Variants in ALCAM observed in about 807,000 individuals in gnomAD.
The protein encoded by ALCAM is CD166 antigen.
Under a neutral mutation model 70.9 loss-of-function variants are expected in ALCAM, and 30 were observed. The ratio of observed to expected loss-of-function variants is 0.42; its 90% CI spans 0.32 to 0.57. The LOEUF (loss-of-function observed/expected upper bound fraction) is 0.57. Among genes scored for constraint, ALCAM ranks in the 20% least tolerant of loss-of-function variants. The pLI is 0.11. For synonymous variants in ALCAM, 249 were observed against 242.5 expected (o/e 1.03, Z -0.25); for missense variants, 591 against 695.1 (o/e 0.85, Z 1.68).
intron 1 of ALCAM, among the ~76,000 whole-genome samples, chr3:105,429,324 A>G (rs1936870332): frequency 6.6e-6 from 1 of 151,954 alleles, no homozygotes; most frequent in South Asian, 2.1e-4. Context: ...GTTTTATTAA[A>G]TGTCTTCTAC....
intron 1 of ALCAM, among the ~76,000 whole-genome samples, chr3:105,459,217 A>G (rs1183984421): frequency 6.6e-6 from 1 of 152,060 alleles, no homozygotes; most frequent in African/African-American, 2.4e-5. Flanking sequence ...TCCGCATGAA[A>G]TATTCTTCCC....
chr3:105,503,113 G>T (rs1022679516), intron 1 of ALCAM, among the ~76,000 whole-genome samples: 1 of 152,184 alleles, frequency 6.6e-6, no homozygotes, highest in Non-Finnish European at 1.5e-5. Flanking sequence ...TATAGTGTGT[G>T]GCAAAAAGGG....
Position 105,534,815 on chromosome 3 carries a change from C to A in ALCAM, c.700C>A (p.His234Asn). The A allele has an allele frequency of 6.2e-7, 1 of 1,613,448 alleles. No homozygotes were observed. The highest frequency in any genetic ancestry group is 8.5e-7 in the Non-Finnish European group (1 of 1,179,632). Residue 234 changes from histidine (H) to asparagine (N), a missense_variant, in exon 6 of 16, where the codon CAT (histidine) becomes AAT (asparagine). Coordinates refer to ENST00000306107, the MANE Select transcript of ALCAM (RefSeq NM_001627.4). ...YYGPSGQKTI[H>N]SEQAVFDIYY... ...TGGACCATCTGGCCAGAAAACAATT[C>A]ATTCTGAACAGGCAGTATTTGATAT...
At chr3:105,466,672 C>A (rs1378545474) in intron 1 of ALCAM, among the ~76,000 whole-genome samples, 1 of 151,334 alleles carries the variant, frequency 6.6e-6, no homozygotes, top group Non-Finnish European at 1.5e-5. Context: ...AGGTTATAAA[C>A]CCTGAATGTT....
At chr3:105,484,862 G>GA (rs1190831113) in intron 1 of ALCAM, among the ~76,000 whole-genome samples, 1 of 152,014 alleles carries the variant, frequency 6.6e-6, no homozygotes, top group African/African-American at 2.4e-5. Flanking sequence ...GGAAGTTAGT[G>GA]AACCAGTACA....
At chr3:105,500,639 T>C (rs112465924) in intron 1 of ALCAM, among the ~76,000 whole-genome samples, 2,442 of 152,306 alleles carry the variant, frequency 0.016, 30 homozygotes, top group African/African-American at 0.033. Flanking sequence ...AAATACATGA[T>C]GTGGTGTTCA....
rs145772563 is a variant in ALCAM at position 105,379,714 on chromosome 3, A to G, written c.73+12233A>G. On this transcript the variant is annotated intron_variant, in intron 1 of 15. Transcript: ENST00000306107. ...GCTCCACTGCTTCCCTTTTATGAGCACTGTAGGATGCTTCCATTTATTATG... is the reference window on the plus strand; with the variant it reads ...GCTCCACTGCTTCCCTTTTATGAGCGCTGTAGGATGCTTCCATTTATTATG... 4.1e-4 allele frequency among the ~76,000 whole-genome samples: 62 copies of G among 151,932 alleles called. No individual in the cohort carries two copies. In the East Asian group the frequency reaches 0.012, roughly 29 times the overall value.
intron 6 of ALCAM, among the ~76,000 whole-genome samples, chr3:105,539,655 A>G (rs151216857): frequency 9.5e-4 from 144 of 152,146 alleles, no homozygotes; most frequent in African/African-American, 3.4e-3. Flanking sequence ...AAATTTCCCT[A>G]TCATAAAGCC....
At chr3:105,394,274 A>G (rs1323815120) in intron 1 of ALCAM, among the ~76,000 whole-genome samples, 5 of 152,088 alleles carry the variant, frequency 3.3e-5, no homozygotes, top group South Asian at 4.1e-4. Context: ...CATATGACTC[A>G]CTACCTATGT....
In ALCAM at chr3:105,541,674, G is replaced by A. The variant is rs579565; in HGVS notation, c.900G>A (p.Leu300=). 349,192 of 1,611,588 alleles carry A rather than the reference G, an allele frequency of 0.22. 39,229 individuals are homozygous for A. The highest frequency in any genetic ancestry group is 0.31 in the Admixed American group (18,486 of 59,762). Residue 300 remains leucine, a synonymous_variant, in exon 8 of 16, where the codon CTG becomes CTA. Coordinates refer to ENST00000306107, the MANE Select transcript of ALCAM (RefSeq NM_001627.4). ...TAAGAAGCTCAAATACTTACACACT[G>A]ACGGATGTGAGGCGCAATGCAACAG... ...EGIRSSNTYT[L]TDVRRNATGD... is the part of the protein sequence containing the mutation.
At chr3:105,509,175 A>C (rs1939166157) in intron 1 of ALCAM, among the ~76,000 whole-genome samples, 1 of 152,114 alleles carries the variant, frequency 6.6e-6, no homozygotes, top group Non-Finnish European at 1.5e-5. Context: ...TGCTGCAGTG[A>C]ACAGGGGAGT....
chr3:105,510,827 G>A (rs1339939265), intron 1 of ALCAM, among the ~76,000 whole-genome samples: 1 of 152,006 alleles, frequency 6.6e-6, no homozygotes, highest in Non-Finnish European at 1.5e-5. Context: ...CTTCTGGGCG[G>A]TGCATTTAAC....
chr3:105,525,705 G>A (rs1047804598), intron 3 of ALCAM, among the ~76,000 whole-genome samples: 2 of 152,124 alleles, frequency 1.3e-5, no homozygotes, highest in African/African-American at 4.8e-5. Flanking sequence ...AGCTCCTATG[G>A]GCTCATGATG....
chr3:105,414,869 G>A (rs1936471277), intron 1 of ALCAM, among the ~76,000 whole-genome samples: 1 of 152,086 alleles, frequency 6.6e-6, no homozygotes, highest in Admixed American at 6.6e-5. Flanking sequence ...ATTTGAGAAA[G>A]ATAACCCTGA....
chr3:105,456,564 A>T (rs1937537703), intron 1 of ALCAM, among the ~76,000 whole-genome samples: 1 of 152,210 alleles, frequency 6.6e-6, no homozygotes, highest in African/African-American at 2.4e-5. Context: ...AACTACATAG[A>T]GTTACCTTGG....
intron 6 of ALCAM, among the ~76,000 whole-genome samples, chr3:105,539,138 A>G (rs1940052456): frequency 6.6e-6 from 1 of 152,120 alleles, no homozygotes; most frequent in African/African-American, 2.4e-5. Context: ...ATACCTTTGC[A>G]TTATATGATT....
chr3:105,400,024 G>A (rs983402096), intron 1 of ALCAM, among the ~76,000 whole-genome samples: 1 of 152,012 alleles, frequency 6.6e-6, no homozygotes, highest in African/African-American at 2.4e-5. Flanking sequence ...TACCTTTATT[G>A]TTATATACAG....
chr3:105,541,208 C>T (rs988870341), intron 7 of ALCAM, among the ~76,000 whole-genome samples: 1 of 151,088 alleles, frequency 6.6e-6, no homozygotes, highest in African/African-American at 2.4e-5. Context: ...ATCCTTTCTT[C>T]CTTTTTACTT....
chr3:105,570,624 A>G (rs961228432), intron 14 of ALCAM, among the ~76,000 whole-genome samples: 7 of 152,240 alleles, frequency 4.6e-5, no homozygotes, highest in Non-Finnish European at 8.8e-5. Context: ...ATGAAAGAGC[A>G]AGAATAGCAA....
Sources: gnomAD v4.1 joint callset for allele counts (sites outside exome capture counted in the v4.1 genomes callset) on GRCh38, gnomAD v4.1.1 for gene constraint, MANE v1.5 for transcripts, NCBI Gene and HGNC (gene_info 2026-07-23, HGNC 2026-07-21) for gene names.